Variants in CAMKMT observed in about 807,000 individuals in gnomAD.
CAMKMT encodes the protein CaM KMT.
In CAMKMT, 53 loss-of-function variants were observed where a neutral mutation model predicts 48.0. The observed-to-expected ratio is 1.10, with a 90% confidence interval of 0.89 to 1.39. The LOEUF is 1.39. Ranked by LOEUF, CAMKMT falls within the 40% of genes most tolerant of loss-of-function variation. The pLI, the probability that CAMKMT is intolerant of heterozygous loss-of-function variation, is 0.00. For synonymous variants in CAMKMT, 165 were observed against 152.3 expected (o/e 1.08, Z -0.61); for missense variants, 428 against 402.7 (o/e 1.06, Z -0.54).
chr2:44,733,145 G>A (rs1452961245), intron 7 of CAMKMT, among the ~76,000 whole-genome samples: 2 of 152,150 alleles, frequency 1.3e-5, no homozygotes, highest in African/African-American at 2.4e-5. Flanking sequence ...AAAAAATGGA[G>A]ACTCAATTGT....
chr2:44,430,797 C>T (rs1368958862), intron 3 of CAMKMT, among the ~76,000 whole-genome samples: 1 of 151,974 alleles, frequency 6.6e-6, no homozygotes, highest in Non-Finnish European at 1.5e-5. Context: ...GTGAAATAAA[C>T]TCATTGGGTG....
At chr2:44,757,650 G>A (rs1014344515) in intron 9 of CAMKMT, among the ~76,000 whole-genome samples, 1 of 149,370 alleles carries the variant, frequency 6.7e-6, no homozygotes, top group African/African-American at 2.5e-5. Flanking sequence ...TGCAACTTCC[G>A]CCTCCCAGGT....
rs550388727 is a variant in CAMKMT, at chr2:44,547,292, TG to T, written c.376+156989del. On this transcript the variant is annotated intron_variant, in intron 3 of 10. Coordinates refer to ENST00000378494, the MANE Select transcript of CAMKMT (RefSeq NM_024766.5). ...GTAAAAACTGTTCTATGCTGATAGT[TG>T]GAAAGACAGTACCTCAGCAGGGATT... 2.7e-3 allele frequency among the ~76,000 whole-genome samples: 415 copies of T among 152,266 alleles called. 1 individual carries two copies. The highest frequency in any genetic ancestry group is 9.5e-3 in the African/African-American group (394 of 41,546).
chr2:44,771,018 C>T (rs1475401877), intron 10 of CAMKMT, among the ~76,000 whole-genome samples: 1 of 152,188 alleles, frequency 6.6e-6, no homozygotes, highest in African/African-American at 2.4e-5. Context: ...TTAATAGTGA[C>T]AGCATGTCCA....
intron 3 of CAMKMT, among the ~76,000 whole-genome samples, chr2:44,529,700 G>A (rs1035135056): frequency 7.9e-5 from 12 of 152,116 alleles, no homozygotes; most frequent in Admixed American, 7.2e-4. Flanking sequence ...AACACTCAGT[G>A]ATTTGTCAGA....
At chr2:44,387,335 G>A (rs960105082) in intron 2 of CAMKMT, among the ~76,000 whole-genome samples, 2 of 151,502 alleles carry the variant, frequency 1.3e-5, no homozygotes, top group African/African-American at 4.8e-5. Context: ...GAATAGCTAC[G>A]CCTGCTAGTT....
At chr2:44,701,583 G>A (rs887426822) in intron 3 of CAMKMT, among the ~76,000 whole-genome samples, 4 of 152,116 alleles carry the variant, frequency 2.6e-5, no homozygotes, top group Non-Finnish European at 4.4e-5. Context: ...GAAAACCATA[G>A]GTTGGGAAAA....
chr2:44,387,289 CT>C (rs1295491308), intron 2 of CAMKMT, among the ~76,000 whole-genome samples: 1 of 152,112 alleles, frequency 6.6e-6, no homozygotes, highest in African/African-American at 2.4e-5. Flanking sequence ...TCTCTTTTAA[CT>C]GCTGTTGCTT....
At chr2:44,419,553 G>A (rs1683788616) in intron 3 of CAMKMT, among the ~76,000 whole-genome samples, 1 of 152,204 alleles carries the variant, frequency 6.6e-6, no homozygotes. Flanking sequence ...CTCTAGAACA[G>A]ATAGTAATTT....
At chr2:44,711,090 G>A (rs923377996) in intron 6 of CAMKMT, among the ~76,000 whole-genome samples, 3 of 152,066 alleles carry the variant, frequency 2.0e-5, no homozygotes, top group South Asian at 2.1e-4. Context: ...GTGAAGCTTC[G>A]TGTGGGCTGT....
chr2:44,634,305 C>T (rs956321431), intron 3 of CAMKMT, among the ~76,000 whole-genome samples: 5 of 151,814 alleles, frequency 3.3e-5, no homozygotes, highest in South Asian at 2.1e-4. Flanking sequence ...ATGAGTCATC[C>T]ACTTTCTGCT....
chr2:44,572,312 G>T (rs943859460), intron 3 of CAMKMT, among the ~76,000 whole-genome samples: 2 of 152,148 alleles, frequency 1.3e-5, no homozygotes, highest in Non-Finnish European at 2.9e-5. Context: ...CTCCCAAAGT[G>T]CTGGGATTAC....
chr2:44,713,722 C>T (rs1245317231), intron 6 of CAMKMT, among the ~76,000 whole-genome samples: 1 of 152,106 alleles, frequency 6.6e-6, no homozygotes, highest in Non-Finnish European at 1.5e-5. Flanking sequence ...TTGATTTTTC[C>T]TACCCACCCC....
At chr2:44,582,510 T>C (rs17032393) in intron 3 of CAMKMT, among the ~76,000 whole-genome samples, 4,281 of 152,306 alleles carry the variant, frequency 0.028, 190 homozygotes, top group African/African-American at 0.097. Flanking sequence ...GGTCAGTGGT[T>C]ACCTGCTCAT....
chr2:44,754,337 G>A (rs1022694128), intron 9 of CAMKMT, among the ~76,000 whole-genome samples: 1 of 152,182 alleles, frequency 6.6e-6, no homozygotes, highest in Non-Finnish European at 1.5e-5. Flanking sequence ...ACAGTGGGTA[G>A]TGAAATAAAT....
chr2:44,480,941 G>A (rs1422770185), intron 3 of CAMKMT, among the ~76,000 whole-genome samples: 2 of 152,010 alleles, frequency 1.3e-5, no homozygotes, highest in African/African-American at 4.8e-5. Flanking sequence ...TTTTAGGGTT[G>A]TAGAACATTT....
intron 3 of CAMKMT, among the ~76,000 whole-genome samples, chr2:44,519,067 A>G (rs570783375): frequency 5.3e-5 from 8 of 152,318 alleles, no homozygotes; most frequent in Admixed American, 4.6e-4. Flanking sequence ...AGTGATACGG[A>G]ACTGATTTTT....
At chr2:44,602,567 G>C (rs139211533) in intron 3 of CAMKMT, among the ~76,000 whole-genome samples, 133 of 152,160 alleles carry the variant, frequency 8.7e-4, no homozygotes, top group African/African-American at 3.1e-3. Flanking sequence ...ATGAAGAAAA[G>C]AGATTTAATT....
At chr2:44,581,885 G>A (rs982248324) in intron 3 of CAMKMT, among the ~76,000 whole-genome samples, 11 of 152,210 alleles carry the variant, frequency 7.2e-5, no homozygotes, top group Non-Finnish European at 2.9e-5. Flanking sequence ...TGTAGTCCCA[G>A]CTATTTGGGA....
Sources: gnomAD v4.1 joint callset for allele counts (sites outside exome capture counted in the v4.1 genomes callset) on GRCh38, gnomAD v4.1.1 for gene constraint, MANE v1.5 for transcripts, NCBI Gene and HGNC (gene_info 2026-07-23, HGNC 2026-07-21) for gene names.